Variants in TMEM200A observed in about 807,000 individuals in gnomAD.
The protein encoded by TMEM200A is transmembrane protein 200A, also known as two transmembrane C.
In TMEM200A, 12 loss-of-function variants were observed where a neutral mutation model predicts 24.3. The ratio of observed to expected loss-of-function variants is 0.49; its 90% confidence interval spans 0.32 to 0.80. TMEM200A has a LOEUF of 0.80. TMEM200A is among the 30% of genes least tolerant of loss of function. The pLI, the probability that TMEM200A is intolerant of heterozygous loss-of-function variation, is 0.04. For synonymous variants in TMEM200A, 224 were observed against 224.4 expected (o/e 1.00, Z 0.02); for missense variants, 545 against 614.4 (o/e 0.89, Z 1.19).
chr6:130,432,121 T>G (rs1703492482), intron 2 of TMEM200A, among the ~76,000 whole-genome samples: 1 of 152,178 alleles, frequency 6.6e-6, no homozygotes, highest in African/African-American at 2.4e-5. Flanking sequence ...ATTATATCAC[T>G]CTTATGGCAT....
rs1554285916 is a variant in TMEM200A, at chr6:130,441,216, C to T, written c.794C>T (p.Thr265Ile). Residue 265 changes from threonine (T) to isoleucine (I), a missense_variant, in exon 3 of 3, where the codon ACT becomes ATT. Transcript: ENST00000296978. Reference protein sequence around the residue: ...FGLYPPPSKTTDDKTSGSKKC... With the variant: ...FGLYPPPSKTIDDKTSGSKKC... ...CTCTATCCACCTCCTTCCAAGACAA[C>T]TGATGATAAGACCAGCGGCTCTAAG... 1 of 1,614,000 alleles carries T rather than the reference C, an allele frequency of 6.2e-7. No homozygotes were observed. Among genetic ancestry groups the T allele is most frequent in the African/African-American group, 1.3e-5 (1 of 74,920 alleles).
chr6:130,398,725 G>A (rs1272183597), intron 2 of TMEM200A, among the ~76,000 whole-genome samples: 1 of 151,798 alleles, frequency 6.6e-6, no homozygotes, highest in Non-Finnish European at 1.5e-5. Flanking sequence ...TCGAATTTCT[G>A]TAATGATTAG....
intron 1 of TMEM200A, among the ~76,000 whole-genome samples, chr6:130,371,962 G>C (rs540264738): frequency 6.6e-6 from 1 of 152,326 alleles, no homozygotes; most frequent in Admixed American, 6.5e-5. Context: ...CCTTAGATAC[G>C]TAAGCTCACT....
At chr6:130,411,922 A>G (rs1779338988) in intron 2 of TMEM200A, among the ~76,000 whole-genome samples, 1 of 152,164 alleles carries the variant, frequency 6.6e-6, no homozygotes, top group African/African-American at 2.4e-5. Context: ...CTTGTTCCTT[A>G]TTAAAGTATC....
At chr6:130,376,971 T>C (rs1778471157) in intron 1 of TMEM200A, among the ~76,000 whole-genome samples, 5 of 152,248 alleles carry the variant, frequency 3.3e-5, no homozygotes, top group Admixed American at 2.6e-4. Flanking sequence ...ACAAAATTAA[T>C]GATGCTTGTT....
intron 2 of TMEM200A, among the ~76,000 whole-genome samples, chr6:130,404,050 A>C (rs1014002071): frequency 1.1e-4 from 16 of 152,176 alleles, no homozygotes; most frequent in Admixed American, 9.2e-4. Context: ...TAAATGTACC[A>C]CATTTTCTTT....
chr6:130,420,331 C>T (rs773251815), intron 2 of TMEM200A, among the ~76,000 whole-genome samples: 6 of 152,132 alleles, frequency 3.9e-5, no homozygotes, highest in Non-Finnish European at 7.3e-5. Flanking sequence ...CTCACTTACT[C>T]ATGTCCATTG....
chr6:130,365,640 G>A (rs1778116750), upstream of TMEM200A: 1 of 985,282 alleles, frequency 1.0e-6, no homozygotes, highest in Admixed American at 6.1e-5. Flanking sequence ...GTGGTCCCGC[G>A]GTAGCTAGAG....
In TMEM200A at chr6:130,440,840, T is replaced by G. The variant is rs1264868900; in HGVS notation, c.418T>G (p.Phe140Val). ...CACCATGGGGATTGGCATTTTCATTTTCATTTGTGCTAATGCCATTCTTCA... is the reference window on the plus strand; with the variant it reads ...CACCATGGGGATTGGCATTTTCATTGTCATTTGTGCTAATGCCATTCTTCA... ...PFTMGIGIFI[F>V]ICANAILHEN... Residue 140 changes from phenylalanine (F) to valine (V), a missense_variant, in exon 3 of 3, where the codon TTC becomes GTC. Physicochemically the swap from Phe to Val is conservative, Grantham distance 50. Transcript: ENST00000296978. 1 of 1,613,874 alleles carries G rather than the reference T, an allele frequency of 6.2e-7. No individual in the cohort carries two copies. Among genetic ancestry groups the G allele is most frequent in the East Asian group, 2.2e-5 (1 of 44,848 alleles).
intron 2 of TMEM200A, among the ~76,000 whole-genome samples, chr6:130,422,476 A>G (rs1779619987): frequency 6.6e-6 from 1 of 152,094 alleles, no homozygotes; most frequent in Non-Finnish European, 1.5e-5. Context: ...CATGTTGGCC[A>G]GGCTGGTCTT....
chr6:130,369,571 G>A (rs901024064), intron 1 of TMEM200A, among the ~76,000 whole-genome samples: 2 of 152,084 alleles, frequency 1.3e-5, no homozygotes, highest in African/African-American at 4.8e-5. Flanking sequence ...CCTCCTCTAA[G>A]GTCCCCCTTT....
intron 1 of TMEM200A, among the ~76,000 whole-genome samples, chr6:130,377,963 G>A (rs1778501202): frequency 6.6e-6 from 1 of 152,124 alleles, no homozygotes; most frequent in East Asian, 1.9e-4. Context: ...TGATGCCAGG[G>A]AAGAAATCAT....
At chr6:130,400,243 CT>C (rs1306748830) in intron 2 of TMEM200A, among the ~76,000 whole-genome samples, 7 of 152,086 alleles carry the variant, frequency 4.6e-5, no homozygotes, top group Non-Finnish European at 1.0e-4. Flanking sequence ...ATAATGACTT[CT>C]TTTCCTCTGG....
chr6:130,374,413 TTTTTG>T (rs201734687), intron 1 of TMEM200A, among the ~76,000 whole-genome samples: 2,406 of 148,248 alleles, frequency 0.016, 59 homozygotes, highest in African/African-American at 0.055. Context: ...TTTGTTTTTG[TTTTTG>T]TTTTTTTTTT....
chr6:130,416,361 A>G (rs1344129548), intron 2 of TMEM200A, among the ~76,000 whole-genome samples: 3 of 152,090 alleles, frequency 2.0e-5, no homozygotes, highest in African/African-American at 4.8e-5. Context: ...GTGTCTATAC[A>G]TATAGTCAAT....
In TMEM200A at chr6:130,443,053, G is replaced by C. The variant is rs1003772012; in HGVS notation, c.*1155G>C. 5 of 166,418 alleles carry C rather than the reference G, an allele frequency of 3.0e-5. No homozygotes were observed. The highest frequency in any genetic ancestry group is 7.3e-5 in the Non-Finnish European group (5 of 68,072). 10.3% of individuals were successfully genotyped at this position (166,418 alleles called of 1,614,324 possible). On this transcript the variant is annotated 3_prime_UTR_variant, in exon 3 of 3. Transcript: ENST00000296978. ...GAAGATAATAAATATTAAAATGGAT[G>C]TTTTCATCAGAAAATTTTCATGTTT...
At chr6:130,398,019 A>G (rs879900700) in intron 2 of TMEM200A, among the ~76,000 whole-genome samples, 9 of 151,972 alleles carry the variant, frequency 5.9e-5, no homozygotes, top group Admixed American at 2.0e-4. Context: ...TAGGTTTGTT[A>G]CATGGGTAAA....
At chr6:130,378,484 G>A (rs138835517) in intron 1 of TMEM200A, among the ~76,000 whole-genome samples, 2,503 of 152,150 alleles carry the variant, frequency 0.016, 37 homozygotes, top group Non-Finnish European at 0.025. Context: ...AGTACTTTGG[G>A]AGGCTGAGGT....
intron 2 of TMEM200A, among the ~76,000 whole-genome samples, chr6:130,400,989 T>C (rs986124257): frequency 6.6e-6 from 1 of 152,122 alleles, no homozygotes; most frequent in Non-Finnish European, 1.5e-5. Context: ...TTCCATGAGA[T>C]GCCTTGACAT....
Sources: allele counts gnomAD v4.1 joint callset (sites outside exome capture counted in the v4.1 genomes callset), GRCh38; gene constraint gnomAD v4.1.1; transcripts MANE v1.5; gene names NCBI Gene and HGNC (gene_info 2026-07-23, HGNC 2026-07-21).